The following PRIM2 variants were observed in gnomAD, a reference collection of about 807,000 sequenced individuals.
The protein encoded by PRIM2 is DNA primase subunit 2.
In PRIM2, 39 loss-of-function variants were observed where a neutral mutation model predicts 67.3. The observed-to-expected ratio is 0.58, with a 90% CI of 0.45 to 0.76. The LOEUF is 0.76. PRIM2 is among the 30% of genes least tolerant of loss of function. The pLI is 0.00. For synonymous variants in PRIM2, 143 were observed against 198.7 expected, an observed-to-expected ratio of 0.72 and a Z score of 2.36; for missense variants, 398 against 598.7, an observed-to-expected ratio of 0.66 and a Z score of 3.50.
the PRIM2 span, among the ~76,000 whole-genome samples, chr6:57,274,355 G>A: frequency 1.7e-4 from 26 of 152,282 alleles, no homozygotes; most frequent in Admixed American, 1.1e-3. Context: ...GCCTCCCTGC[G>A]GCCTTGCAGT....
the PRIM2 span, among the ~76,000 whole-genome samples, chr6:57,273,900 C>A: frequency 1.3e-5 from 2 of 152,188 alleles, no homozygotes; most frequent in African/African-American, 4.8e-5. Context: ...CACTCCAGAC[C>A]CTGTTTGCCT....
intron 7 of PRIM2, among the ~76,000 whole-genome samples, chr6:57,427,809 AG>A: frequency 6.6e-6 from 1 of 152,332 alleles, no homozygotes; most frequent in Middle Eastern, 3.4e-3. Flanking sequence ...TGGTGAGATC[AG>A]AAGTCAGAAT....
chr6:57,351,173 G>T (rs2127300825), intron 5 of PRIM2, among the ~76,000 whole-genome samples: 1 of 151,868 alleles, frequency 6.6e-6, no homozygotes, highest in South Asian at 2.1e-4. Context: ...GATCAGATGT[G>T]TTTTGGATTT....
intron 7 of PRIM2, among the ~76,000 whole-genome samples, chr6:57,457,773 C>T (rs576744083): frequency 1.3e-4 from 20 of 152,148 alleles, no homozygotes; most frequent in Non-Finnish European, 2.4e-4. Context: ...GGCTCACATA[C>T]GGTGTGCTGC....
chr6:57,229,398 G>A, the PRIM2 span, among the ~76,000 whole-genome samples: 1 of 151,796 alleles, frequency 6.6e-6, no homozygotes, highest in African/African-American at 2.4e-5. Context: ...CATGTTCTCT[G>A]TTTTGTTAAA....
At chr6:57,352,363 C>CT in intron 5 of PRIM2, among the ~76,000 whole-genome samples, 1 of 152,258 alleles carries the variant, frequency 6.6e-6, no homozygotes, top group South Asian at 2.1e-4. Context: ...CCCTCAGCCT[C>CT]TTAAGTAGCT....
intron 5 of PRIM2, among the ~76,000 whole-genome samples, chr6:57,364,758 GA>G (rs972858612): frequency 6.6e-6 from 1 of 152,082 alleles, no homozygotes; most frequent in Non-Finnish European, 1.5e-5. Context: ...AGTATGAGGA[GA>G]TGGCATTTAC....
At chr6:57,502,478 C>T (rs1295795884) in intron 7 of PRIM2, among the ~76,000 whole-genome samples, 1 of 152,176 alleles carries the variant, frequency 6.6e-6, no homozygotes, top group Middle Eastern at 3.2e-3. Context: ...GAAAGCTCCA[C>T]CTTTGGATCA....
intron 13 of PRIM2, among the ~76,000 whole-genome samples, chr6:57,634,764 CCCT>C (rs1333844640): frequency 6.6e-6 from 1 of 152,056 alleles, no homozygotes; most frequent in Non-Finnish European, 1.5e-5. Flanking sequence ...ATTGATTATT[CCCT>C]CAAGTATTGC....
chr6:57,365,915 G>A (rs1295075301), intron 5 of PRIM2, among the ~76,000 whole-genome samples: 5 of 118,196 alleles, frequency 4.2e-5, no homozygotes, highest in Non-Finnish European at 6.4e-5. Context: ...GTAGTGAGCT[G>A]TTCCAGCCTG....
At chr6:57,403,345 C>T (rs1770776232) in intron 7 of PRIM2, among the ~76,000 whole-genome samples, 1 of 151,198 alleles carries the variant, frequency 6.6e-6, no homozygotes, top group African/African-American at 2.4e-5. Context: ...CAAGCTCTGC[C>T]TCCCGGGTTC....
chr6:57,545,386 A>G (rs1231207861), intron 10 of PRIM2, among the ~76,000 whole-genome samples: 20 of 152,148 alleles, frequency 1.3e-4, no homozygotes, highest in African/African-American at 4.8e-4. Context: ...CTGAAATAAA[A>G]GAAACAGCCC....
At chr6:57,240,091 G>GTTTTTTTTTTTTT in the PRIM2 span, among the ~76,000 whole-genome samples, 3 of 90,016 alleles carry the variant, frequency 3.3e-5, no homozygotes, top group African/African-American at 1.3e-4. Context: ...TCAATAATCT[G>GTTTTTTTTTTTTT]TTTTTTTTTT....
chr6:57,237,713 A>T, the PRIM2 span, among the ~76,000 whole-genome samples: 1 of 152,160 alleles, frequency 6.6e-6, no homozygotes, highest in Non-Finnish European at 1.5e-5. Flanking sequence ...TTTGTCAAAG[A>T]TCAGATAGTT....
At chr6:57,324,398 G>A (rs942624108) in intron 4 of PRIM2, 118 bp downstream of exon 4, 1 of 550,142 alleles carries the variant, frequency 1.8e-6, no homozygotes, top group African/African-American at 1.9e-5. Flanking sequence ...TCAGGAGCCG[G>A]TTGATCATGG....
intron 7 of PRIM2, among the ~76,000 whole-genome samples, chr6:57,436,304 T>C (rs1772012326): frequency 6.6e-6 from 1 of 152,200 alleles, no homozygotes; most frequent in African/African-American, 2.4e-5. Flanking sequence ...AACCACACCA[T>C]ATCTTATAAA....
chr6:57,583,846 A>G (rs1776142838), intron 10 of PRIM2, among the ~76,000 whole-genome samples: 13 of 152,302 alleles, frequency 8.5e-5, no homozygotes, highest in Non-Finnish European at 4.4e-5. Context: ...TTTTAATTTC[A>G]GGTTTCCCAT....
At chr6:57,612,935 C>T (rs1776692463) in intron 12 of PRIM2, among the ~76,000 whole-genome samples, 2 of 151,850 alleles carry the variant, frequency 1.3e-5, no homozygotes, top group Middle Eastern at 3.2e-3. Context: ...GCTGAGGTTA[C>T]AGCTGCACAT....
chr6:57,345,721 GAAAGT>G (rs1211744838), intron 5 of PRIM2, among the ~76,000 whole-genome samples: 1 of 152,108 alleles, frequency 6.6e-6, no homozygotes, highest in Non-Finnish European at 1.5e-5. Flanking sequence ...AGTTTATTAA[GAAAGT>G]AAAGAAACAA....
Sources: gnomAD v4.1 joint callset for allele counts (sites outside exome capture counted in the v4.1 genomes callset) on GRCh38, gnomAD v4.1.1 for gene constraint, MANE v1.5 for transcripts, NCBI Gene and HGNC (gene_info 2026-07-23, HGNC 2026-07-21) for gene names.